Variants in TRDN observed in about 807,000 individuals in gnomAD.
The protein encoded by TRDN is triadin in skeletal muscle.
In TRDN, 161 loss-of-function variants were observed where a neutral mutation model predicts 149.7. That is an observed-to-expected ratio of 1.08 (90% CI 0.95 to 1.23). The LOEUF is 1.23. TRDN is among the 50% of genes most tolerant of loss of function. The pLI is 0.00. For synonymous variants in TRDN, 294 were observed against 250.5 expected (o/e 1.17, Z -1.64); for missense variants, 896 against 823.5 (o/e 1.09, Z -1.08).
intron 9 of TRDN, among the ~76,000 whole-genome samples, chr6:123,484,920 T>C (rs1288735317): frequency 6.6e-6 from 1 of 152,204 alleles, no homozygotes. Flanking sequence ...TTTATCACAA[T>C]GAAACTGACT....
At chr6:123,248,891 C>G (rs1776279631) in intron 38 of TRDN, among the ~76,000 whole-genome samples, 2 of 152,024 alleles carry the variant, frequency 1.3e-5, no homozygotes, top group African/African-American at 2.4e-5. Flanking sequence ...ACCCTGATAC[C>G]AAAACCAGAC....
chr6:123,247,995 G>A (rs1776246316), intron 38 of TRDN, among the ~76,000 whole-genome samples: 1 of 151,902 alleles, frequency 6.6e-6, no homozygotes, highest in Non-Finnish European at 1.5e-5. Context: ...ACAAACAATG[G>A]GAAAAGGATT....
intron 19 of TRDN, among the ~76,000 whole-genome samples, chr6:123,371,877 G>A (rs1230624637): frequency 6.6e-6 from 1 of 152,102 alleles, no homozygotes; most frequent in African/African-American, 2.4e-5. Context: ...TGCTGTATGA[G>A]TGCTGTTTTG....
intron 2 of TRDN, among the ~76,000 whole-genome samples, chr6:123,553,224 C>T (rs368015621): frequency 2.6e-5 from 4 of 152,288 alleles, no homozygotes; most frequent in East Asian, 3.9e-4. Context: ...TTCTCCCAAA[C>T]TCTTCAAGTG....
intron 12 of TRDN, among the ~76,000 whole-genome samples, chr6:123,397,107 T>C (rs1772763129): frequency 6.6e-6 from 1 of 152,180 alleles, no homozygotes; most frequent in South Asian, 2.1e-4. Flanking sequence ...AGAGATCAAT[T>C]ATTACTTCAA....
rs957011352 is a variant in TRDN at position 123,331,927 on chromosome 6, G to A, written c.1423C>T (p.Pro475Ser). ...KTSSILKDKEPIKGKEEKVPA... is the reference protein window; with the variant it reads ...KTSSILKDKESIKGKEEKVPA... ...ACTTTCTCTTCTTTCCCTTTAATAGGTTCTGAAAAGAAACATCGGACATTT... is the reference window on the plus strand; with the variant it reads ...ACTTTCTCTTCTTTCCCTTTAATAGATTCTGAAAAGAAACATCGGACATTT... Residue 475 changes from proline (P) to serine (S), a missense_variant and splice_region_variant, in exon 23 of 41, where the codon CCT (proline) becomes TCT (serine). Transcript: ENST00000334268. 1.1e-5 allele frequency: 17 copies of A among 1,538,178 alleles called. No homozygotes were observed. Among genetic ancestry groups the A allele is most frequent in the Non-Finnish European group, 1.5e-5 (17 of 1,139,908 alleles).
rs535845814 is a variant in TRDN, at chr6:123,548,538, T to C, written c.307A>G (p.Ile103Val). Residue 103 changes from isoleucine (I) to valine (V), a missense_variant, in exon 3 of 41, where the codon ATC becomes GTC. Coordinates refer to ENST00000334268, the MANE Select transcript of TRDN (RefSeq NM_006073.4). ...GATAACAAAGAAAAGAAGCCATAGA[T>C]CCAGTCCGTGGTTTCCTCCATAGCA... ...RDAMEETTDW[I>V]YGFFSLLSDI... 1 of 1,577,376 alleles carries C rather than the reference T, an allele frequency of 6.3e-7. No individual in the cohort carries two copies. Among genetic ancestry groups the C allele is most frequent in the South Asian group, 1.2e-5 (1 of 85,220 alleles).
chr6:123,452,920 C>A (rs530218447), intron 10 of TRDN, among the ~76,000 whole-genome samples: 1 of 152,174 alleles, frequency 6.6e-6, no homozygotes, highest in African/African-American at 2.4e-5. Flanking sequence ...ATCAATGGAA[C>A]AAAATAGAGA....
chr6:123,264,444 G>T (rs914478695), intron 33 of TRDN, among the ~76,000 whole-genome samples: 1 of 152,102 alleles, frequency 6.6e-6, no homozygotes, highest in Non-Finnish European at 1.5e-5. Flanking sequence ...AACAGACGAG[G>T]AGTTATTTCT....
At chr6:123,495,974 C>A (rs1645366414) in intron 9 of TRDN, among the ~76,000 whole-genome samples, 1 of 150,290 alleles carries the variant, frequency 6.7e-6, no homozygotes, top group African/African-American at 2.4e-5. Flanking sequence ...TATCACACTA[C>A]CTTCCTGAAG....
chr6:123,530,075 T>G (rs770311289), intron 5 of TRDN, among the ~76,000 whole-genome samples: 6 of 151,930 alleles, frequency 3.9e-5, no homozygotes, highest in Non-Finnish European at 8.8e-5. Context: ...ACATGACCTC[T>G]GCCATGAGGT....
At chr6:123,486,100 C>A (rs1777958819) in intron 9 of TRDN, among the ~76,000 whole-genome samples, 1 of 152,014 alleles carries the variant, frequency 6.6e-6, no homozygotes, top group African/African-American at 2.4e-5. Context: ...AAAGGGCATA[C>A]AAGTGCAGTT....
chr6:123,313,138 A>G (rs144361126), intron 24 of TRDN, among the ~76,000 whole-genome samples: 24 of 152,116 alleles, frequency 1.6e-4, no homozygotes, highest in African/African-American at 5.3e-4. Context: ...CTATCAGGTC[A>G]CTTATGTTAT....
intron 26 of TRDN, among the ~76,000 whole-genome samples, chr6:123,275,744 T>C (rs558079246): frequency 6.6e-6 from 1 of 152,244 alleles, no homozygotes; most frequent in African/African-American, 2.4e-5. Context: ...GGCAGAAATA[T>C]TGACATTAAA....
intron 12 of TRDN, among the ~76,000 whole-genome samples, chr6:123,413,323 C>G (rs1387177792): frequency 5.9e-5 from 9 of 152,312 alleles, no homozygotes; most frequent in African/African-American, 1.9e-4. Context: ...TTATCAAAAA[C>G]ACTTCAATTT....
chr6:123,316,009 T>C (rs9398727), intron 24 of TRDN, among the ~76,000 whole-genome samples: 27,547 of 151,942 alleles, frequency 0.18, 3,373 homozygotes, highest in East Asian at 0.6. Flanking sequence ...GGTTGAACCA[T>C]GTGGGACTCC....
At chr6:123,483,683 T>A (rs1228762672) in intron 9 of TRDN, among the ~76,000 whole-genome samples, 1 of 152,198 alleles carries the variant, frequency 6.6e-6, no homozygotes, top group African/African-American at 2.4e-5. Context: ...CTCCCACAGC[T>A]GCCTTATATT....
intron 20 of TRDN, among the ~76,000 whole-genome samples, chr6:123,355,711 T>C (rs953022346): frequency 3.8e-4 from 58 of 151,922 alleles, no homozygotes; most frequent in African/African-American, 1.3e-3. Flanking sequence ...ATAGATCATT[T>C]TGAGAATTGA....
chr6:123,256,478 T>A (rs1315936830), intron 35 of TRDN, among the ~76,000 whole-genome samples: 1 of 152,170 alleles, frequency 6.6e-6, no homozygotes, highest in East Asian at 1.9e-4. Context: ...TATCTCCACA[T>A]CATCTCCAGC....
Sources: allele counts gnomAD v4.1 joint callset (sites outside exome capture counted in the v4.1 genomes callset), GRCh38; gene constraint gnomAD v4.1.1; transcripts MANE v1.5; gene names NCBI Gene and HGNC (gene_info 2026-07-23, HGNC 2026-07-21).